The following CAPZB variants were observed in gnomAD, a reference collection of about 807,000 sequenced individuals.
CAPZB encodes F-actin-capping protein subunit beta.
CAPZB carries 2 observed loss-of-function variants against 38.1 expected under a neutral mutation model. That is an observed-to-expected ratio of 0.05 (90% CI 0.02 to 0.17). The LOEUF is 0.17. CAPZB is among the 10% of genes least tolerant of loss of function. The pLI, the probability that CAPZB is intolerant of heterozygous loss-of-function variation, is 1.00. For synonymous variants in CAPZB, 107 were observed against 127.4 expected (o/e 0.84, Z 1.08); for missense variants, 161 against 334.2 (o/e 0.48, Z 4.04).
At chr1:19,375,450 C>A (rs1412268251) in intron 4 of CAPZB, among the ~76,000 whole-genome samples, 1 of 152,210 alleles carries the variant, frequency 6.6e-6, no homozygotes, top group Non-Finnish European at 1.5e-5. Flanking sequence ...TAAGGAAGGG[C>A]CTCCTGCCTC....
chr1:19,419,196 A>C (rs1453184632), intron 2 of CAPZB, among the ~76,000 whole-genome samples: 1 of 152,210 alleles, frequency 6.6e-6, no homozygotes, highest in Non-Finnish European at 1.5e-5. Context: ...TAACAAGCCA[A>C]CTTTTGCTTG....
At chr1:19,472,643 G>A (rs535625143) in intron 1 of CAPZB, among the ~76,000 whole-genome samples, 1 of 150,660 alleles carries the variant, frequency 6.6e-6, no homozygotes, top group East Asian at 2.0e-4. Flanking sequence ...CCGATTAGTA[G>A]TTACTATGTA....
chr1:19,342,422 G>A (rs952190803), intron 8 of CAPZB, among the ~76,000 whole-genome samples: 3 of 152,242 alleles, frequency 2.0e-5, no homozygotes, highest in African/African-American at 7.2e-5. Context: ...CCTGCCCTGG[G>A]GACAGTCAGG....
At chr1:19,409,715 A>C (rs1375606930) in intron 2 of CAPZB, among the ~76,000 whole-genome samples, 1 of 152,212 alleles carries the variant, frequency 6.6e-6, no homozygotes, top group African/African-American at 2.4e-5. Context: ...GTGTTCTCAG[A>C]TTTAAAGAGA....
intron 3 of CAPZB, 46 bp downstream of exon 3, chr1:19,385,459 C>T (rs757551073): frequency 4.4e-6 from 7 of 1,609,028 alleles, no homozygotes; most frequent in Middle Eastern, 2.2e-4. Context: ...TACGGCAGCC[C>T]GCGTGTGCCT....
chr1:19,456,573 C>T (rs1347663560), intron 1 of CAPZB, among the ~76,000 whole-genome samples: 1 of 152,088 alleles, frequency 6.6e-6, no homozygotes, highest in Non-Finnish European at 1.5e-5. Context: ...TATCCCCCTA[C>T]CCATGCACGA....
intron 2 of CAPZB, among the ~76,000 whole-genome samples, chr1:19,393,778 GCC>G (rs1392797040): frequency 1.2e-4 from 19 of 152,248 alleles, no homozygotes; most frequent in Non-Finnish European, 1.9e-4. Flanking sequence ...GGGCTCTCCT[GCC>G]CCTCACCACA....
rs76593692 is a variant in CAPZB, at chr1:19,375,146, G to C, written c.329+3394C>G. 2.0e-5 allele frequency among the ~76,000 whole-genome samples: 3 copies of C among 152,182 alleles called. No individual in the cohort carries two copies. The East Asian group carries it at 5.8e-4, about 29-fold the overall frequency. On this transcript the variant is annotated intron_variant, in intron 4 of 8. Transcript: ENST00000264202. ...TCTGGGAATGGGAACTTCTGGAGAT[G>C]AGCAATGTACCACAATGTACCAAGA... is the stretch of plus-strand genomic sequence containing the variant.
At chr1:19,368,482 AT>A (rs1445740578) in intron 4 of CAPZB, among the ~76,000 whole-genome samples, 2 of 120,006 alleles carry the variant, frequency 1.7e-5, no homozygotes, top group Admixed American at 9.2e-5. Flanking sequence ...CCCCGTCTCC[AT>A]TTTTTTTCTT....
chr1:19,355,885 G>A (rs2094018308), intron 6 of CAPZB, among the ~76,000 whole-genome samples: 2 of 152,190 alleles, frequency 1.3e-5, no homozygotes, highest in South Asian at 4.1e-4. Context: ...CTTTATACAA[G>A]GTTCTTAAAC....
chr1:19,468,584 G>T (rs1299548876), intron 1 of CAPZB, among the ~76,000 whole-genome samples: 1 of 152,098 alleles, frequency 6.6e-6, no homozygotes, highest in Non-Finnish European at 1.5e-5. Context: ...GGGCAGGGCA[G>T]AGCAGGGCAG....
At chr1:19,368,755 C>T (rs1329025751) in intron 4 of CAPZB, among the ~76,000 whole-genome samples, 2 of 151,750 alleles carry the variant, frequency 1.3e-5, no homozygotes, top group Non-Finnish European at 2.9e-5. Context: ...GCAGCCTCCA[C>T]CTTCTGGGCT....
chr1:19,449,142 T>C, intron 1 of CAPZB: 1 of 1,390,972 alleles, frequency 7.2e-7, no homozygotes, highest in Non-Finnish European at 9.3e-7. Context: ...GACCGTAGAG[T>C]CTCTGTAAGG....
intron 4 of CAPZB, among the ~76,000 whole-genome samples, chr1:19,360,029 A>T (rs2100333092): frequency 6.6e-6 from 1 of 152,260 alleles, no homozygotes; most frequent in East Asian, 1.9e-4. Context: ...AGTTGGAGAG[A>T]TCAGGCCATT....
At position 19,357,571 on chromosome 1, in the gene CAPZB, A is replaced by C. The variant is rs749729152; in HGVS notation, c.330-8T>G. On this transcript the variant is annotated splice_region_variant and splice_polypyrimidine_tract_variant and intron_variant, in intron 4 of 8. Transcript: ENST00000264202. The surrounding 1 kb of genome is among the most constrained non-coding windows in gnomAD (Gnocchi z 4.3). ...ACGCCACCTTCAAAATACCTGCAGGAAACAGGCCAATGTGCCTGTTAGATG... is the reference window on the plus strand; with the variant it reads ...ACGCCACCTTCAAAATACCTGCAGGCAACAGGCCAATGTGCCTGTTAGATG... 1 of 1,613,842 alleles carries C rather than the reference A, an allele frequency of 6.2e-7. No homozygotes were observed. The highest frequency in any genetic ancestry group is 8.5e-7 in the Non-Finnish European group (1 of 1,179,924).
chr1:19,462,326 C>T (rs1274346002), intron 1 of CAPZB, among the ~76,000 whole-genome samples: 6 of 151,270 alleles, frequency 4.0e-5, no homozygotes, highest in African/African-American at 1.5e-4. Flanking sequence ...GGCGTGGTGG[C>T]GGGCGCCTGT....
chr1:19,416,387 T>C (rs1570197014), intron 2 of CAPZB, among the ~76,000 whole-genome samples: 2 of 152,192 alleles, frequency 1.3e-5, no homozygotes, highest in Non-Finnish European at 2.9e-5. Flanking sequence ...GCCACATCCC[T>C]ATCCTGGCTT....
At chr1:19,359,209 TC>T (rs2094038879) in intron 4 of CAPZB, among the ~76,000 whole-genome samples, 3 of 111,990 alleles carry the variant, frequency 2.7e-5, no homozygotes, top group East Asian at 2.6e-4. Flanking sequence ...TTCTCTGTAC[TC>T]TTTTTTTTTT....
At position 19,395,673 on chromosome 1, in the gene CAPZB, C is replaced by T. The variant is rs770763435; in HGVS notation, c.94-10047G>A. The stretch of plus-strand genomic sequence containing the variant: ...CCCTGAAGGGGATGAACCAGGCCCT[C>T]GGAGCCTAATTAAATGAACCATTTC... On this transcript the variant is annotated intron_variant, in intron 2 of 8. Coordinates refer to ENST00000264202, the MANE Select transcript of CAPZB (RefSeq NM_004930.5). Among the ~76,000 whole-genome samples, 8 of 152,234 alleles carry T rather than the reference C, an allele frequency of 5.3e-5. 1 individual carries two copies. In the South Asian group the frequency reaches 6.2e-4, roughly 12 times the overall value.
Sources: gnomAD v4.1 joint callset for allele counts (sites outside exome capture counted in the v4.1 genomes callset) on GRCh38, gnomAD v4.1.1 for gene constraint, Gnocchi (gnomAD v3.1) non-coding constraint, MANE v1.5 for transcripts, NCBI Gene and HGNC (gene_info 2026-07-23, HGNC 2026-07-21) for gene names.